PRKAG2: variants seen among roughly 807,000 people sequenced by gnomAD.
PRKAG2 encodes the protein 5'-AMP-activated protein kinase subunit gamma-2.
PRKAG2 carries 26 observed loss-of-function variants against 69.6 expected under a neutral mutation model. The ratio of observed to expected loss-of-function variants is 0.37; its 90% CI spans 0.27 to 0.52. The LOEUF (loss-of-function observed/expected upper bound fraction) is 0.52. Among genes scored for constraint, PRKAG2 ranks in the 20% least tolerant of loss-of-function variants. PRKAG2 has a pLI of 0.90. For synonymous variants in PRKAG2, 293 were observed against 285.0 expected (o/e 1.03, Z -0.28); for missense variants, 557 against 740.0 (o/e 0.75, Z 2.87).
chr7:151,848,698 T>C (rs887937649), intron 1 of PRKAG2, among the ~76,000 whole-genome samples: 15 of 151,816 alleles, frequency 9.9e-5, no homozygotes, highest in East Asian at 1.9e-4. Context: ...CTAATTTTCA[T>C]ATTCTTAGCA....
intron 1 of PRKAG2, among the ~76,000 whole-genome samples, chr7:151,848,354 G>A (rs80230353): frequency 0.025 from 3,861 of 152,150 alleles, 58 homozygotes; most frequent in African/African-American, 0.036. Flanking sequence ...CTTGGAAGCA[G>A]AGACCAGGCC....
intron 5 of PRKAG2, among the ~76,000 whole-genome samples, chr7:151,601,351 T>C (rs996958559): frequency 2.0e-5 from 3 of 152,222 alleles, no homozygotes; most frequent in Admixed American, 1.3e-4. Flanking sequence ...GTATTTCTAA[T>C]ATTTTTTTCC....
At chr7:151,861,327 T>A (rs1319981941) in intron 1 of PRKAG2, among the ~76,000 whole-genome samples, 1 of 151,734 alleles carries the variant, frequency 6.6e-6, no homozygotes, top group African/African-American at 2.4e-5. Context: ...GGCCAGGAGT[T>A]CAAGACCAGC....
chr7:151,832,271 GGAGGGAA>G (rs2079050265), intron 1 of PRKAG2, among the ~76,000 whole-genome samples: 4 of 147,232 alleles, frequency 2.7e-5, no homozygotes, highest in African/African-American at 1.0e-4. Flanking sequence ...AAGGAAGGGA[GGAGGGAA>G]GGAAGGGAGG....
Position 151,572,720 on chromosome 7 carries a change from A to G in PRKAG2, c.1006-11T>C, listed in dbSNP as rs1350718955. ...TTCATAAATCTGTACCTGCAAATAA[A>G]AAAATTCTTATTTATAAATATACAT... On this transcript the variant is annotated splice_polypyrimidine_tract_variant and intron_variant, in intron 8 of 15. Transcript: ENST00000287878. 2 of 1,522,754 alleles carry G rather than the reference A, an allele frequency of 1.3e-6. No individual in the cohort carries two copies. The highest frequency in any genetic ancestry group is 2.3e-5 in the South Asian group (2 of 85,342). The allele number at this position is 1,522,754 out of a possible 1,614,324, so 94.3% of individuals were successfully genotyped here. A position where few individuals can be genotyped will look rare whatever the true frequency, so the allele number is the denominator to read the frequency against.
intron 5 of PRKAG2, among the ~76,000 whole-genome samples, chr7:151,630,221 A>G (rs1044322100): frequency 2.0e-5 from 3 of 152,250 alleles, no homozygotes; most frequent in South Asian, 2.1e-4. Context: ...ATTGGCAGAC[A>G]CAATGAAAAG....
At chr7:151,590,971 T>A (rs1812966533) in intron 6 of PRKAG2, among the ~76,000 whole-genome samples, 1 of 152,186 alleles carries the variant, frequency 6.6e-6, no homozygotes, top group South Asian at 2.1e-4. Flanking sequence ...GAGGCTGAGA[T>A]GCCAGGCTTC....
At chr7:151,789,039 T>C (rs1447615249) in intron 1 of PRKAG2, among the ~76,000 whole-genome samples, 2 of 152,246 alleles carry the variant, frequency 1.3e-5, no homozygotes, top group African/African-American at 4.8e-5. Flanking sequence ...TTACACTGTT[T>C]TGATTATTGT....
chr7:151,590,887 C>G (rs886129532), intron 6 of PRKAG2, among the ~76,000 whole-genome samples: 1 of 152,224 alleles, frequency 6.6e-6, no homozygotes, highest in Admixed American at 6.5e-5. Context: ...TTTGTGCACG[C>G]AGCCGGCAGT....
At chr7:151,652,507 T>C (rs1379227343) in intron 4 of PRKAG2, among the ~76,000 whole-genome samples, 1 of 152,330 alleles carries the variant, frequency 6.6e-6, no homozygotes, top group East Asian at 1.9e-4. Context: ...TATAATATGG[T>C]AAATTCTTTT....
At chr7:151,590,289 G>C (rs190623997) in intron 6 of PRKAG2, among the ~76,000 whole-genome samples, 306 of 152,340 alleles carry the variant, frequency 2.0e-3, no homozygotes, top group Middle Eastern at 3.4e-3. Flanking sequence ...AACCCAACAA[G>C]CCTCTATGGC....
At chr7:151,724,032 C>T (rs896408338) in intron 3 of PRKAG2, among the ~76,000 whole-genome samples, 9 of 152,180 alleles carry the variant, frequency 5.9e-5, no homozygotes, top group African/African-American at 2.2e-4. Context: ...GCAAATCAAC[C>T]TTGATAAACT....
At position 151,876,795 on chromosome 7, in the gene PRKAG2, C is replaced by A; in HGVS notation, c.-175G>T. ...AGGGAACTCGCGCGGCCGCCGCCGC[C>A]GCCGAAGCGCCGAATTCAAGCGTCC... On this transcript the variant is annotated 5_prime_UTR_variant, in exon 1 of 16. Coordinates refer to ENST00000287878, the MANE Select transcript of PRKAG2 (RefSeq NM_016203.4). The A allele has an allele frequency of 1.5e-6, 1 of 668,512 alleles. No homozygotes were observed. The highest frequency in any genetic ancestry group is 1.6e-5 in the South Asian group (1 of 61,162). The allele number at this position is 668,512 out of a possible 1,614,324, so 41.4% of individuals were successfully genotyped here.
Position 151,835,032 on chromosome 7 carries a change from C to T in PRKAG2, c.114+41475G>A, listed in dbSNP as rs1181830900. On this transcript the variant is annotated intron_variant, in intron 1 of 15. Transcript: ENST00000287878. This position sits in a 1 kb window ranked among gnomAD's most constrained non-coding sequence, Gnocchi z 4.1. ...ATCTGTGTCCAGAATCCCCCTCATA[C>T]GCAGATGCCAGCCATGTGGAAAAGG... is the stretch of plus-strand genomic sequence containing the variant. Among the ~76,000 whole-genome samples the T allele has an allele frequency of 6.6e-6, 1 of 152,298 alleles. No individual in the cohort carries two copies. Among genetic ancestry groups the T allele is most frequent in the African/African-American group, 2.4e-5 (1 of 41,556 alleles).
intron 3 of PRKAG2, among the ~76,000 whole-genome samples, chr7:151,704,063 A>G (rs1460378447): frequency 6.7e-6 from 1 of 148,474 alleles, no homozygotes; most frequent in Non-Finnish European, 1.5e-5. Context: ...CTCTGTCTCA[A>G]AAAAAAAAAT....
At chr7:151,819,565 A>G (rs1881630) in intron 1 of PRKAG2, among the ~76,000 whole-genome samples, 80,023 of 152,062 alleles carry the variant, frequency 0.53, 21,297 homozygotes, top group South Asian at 0.56. Context: ...GGTAGAACTA[A>G]TAGTTCTAAA....
At chr7:151,643,888 A>C (rs1203902394) in intron 4 of PRKAG2, among the ~76,000 whole-genome samples, 1 of 152,270 alleles carries the variant, frequency 6.6e-6, no homozygotes, top group Admixed American at 6.5e-5. Context: ...ATACGATGGA[A>C]TACTATTCAG....
chr7:151,649,184 G>T (rs1478170833), intron 4 of PRKAG2, among the ~76,000 whole-genome samples: 1 of 152,042 alleles, frequency 6.6e-6, no homozygotes, highest in African/African-American at 2.4e-5. Flanking sequence ...GGAGTGCAGT[G>T]GTGTGATCTT....
chr7:151,837,212 AC>A (rs1463969723), intron 1 of PRKAG2: 19 of 152,424 alleles, frequency 1.2e-4, no homozygotes, highest in African/African-American at 4.6e-4. Context: ...TCCCCCCACC[AC>A]CCCAATCATT....
Sources: gnomAD v4.1 joint callset for allele counts (sites outside exome capture counted in the v4.1 genomes callset) on GRCh38, gnomAD v4.1.1 for gene constraint, Gnocchi (gnomAD v3.1) non-coding constraint, MANE v1.5 for transcripts, NCBI Gene and HGNC (gene_info 2026-07-23, HGNC 2026-07-21) for gene names.